The following HHAT variants were observed in gnomAD, a reference collection of about 807,000 sequenced individuals.
The protein encoded by HHAT is hedgehog acyltransferase.
In HHAT, 47 loss-of-function variants were observed where a neutral mutation model predicts 70.8. The ratio of observed to expected loss-of-function variants is 0.66; its 90% confidence interval spans 0.53 to 0.85. The LOEUF is 0.85. HHAT is among the 40% of genes least tolerant of loss of function. The pLI is 0.00. For synonymous variants in HHAT, 228 were observed against 247.6 expected (o/e 0.92, Z 0.74); for missense variants, 609 against 604.8 (o/e 1.01, Z -0.07).
chr1:210,575,562 C>A (rs1183580945), intron 9 of HHAT, among the ~76,000 whole-genome samples: 1 of 152,130 alleles, frequency 6.6e-6, no homozygotes, highest in Non-Finnish European at 1.5e-5. Context: ...GGGTTAGAAA[C>A]CCCAGGGAGG....
intron 1 of HHAT, among the ~76,000 whole-genome samples, chr1:210,343,385 C>T (rs777984070): frequency 6.6e-6 from 1 of 152,210 alleles, no homozygotes; most frequent in African/African-American, 2.4e-5. Context: ...CGTCCTCCTT[C>T]CTTCAGTCTC....
At chr1:210,590,563 A>AAAT (rs1432353433) in intron 10 of HHAT, 17 of 149,596 alleles carry the variant, frequency 1.1e-4, no homozygotes, top group African/African-American at 3.7e-4. Flanking sequence ...AAAAAAAAAA[A>AAAT]AGGCAACAGA....
At chr1:210,362,397 T>C (rs1267167245) in intron 2 of HHAT, among the ~76,000 whole-genome samples, 1 of 152,114 alleles carries the variant, frequency 6.6e-6, no homozygotes, top group African/African-American at 2.4e-5. Context: ...TGGCTAATTT[T>C]TGTATTTTTA....
At chr1:210,633,859 G>T (rs570686382) in intron 11 of HHAT, among the ~76,000 whole-genome samples, 1 of 152,106 alleles carries the variant, frequency 6.6e-6, no homozygotes, top group Non-Finnish European at 1.5e-5. Flanking sequence ...GCCTCTCTGC[G>T]CCCTTTTGTT....
At chr1:210,556,584 A>C (rs956777765) in intron 9 of HHAT, among the ~76,000 whole-genome samples, 2 of 152,110 alleles carry the variant, frequency 1.3e-5, no homozygotes, top group African/African-American at 2.4e-5. Flanking sequence ...CTGATACACA[A>C]ATATACCATC....
intron 1 of HHAT, among the ~76,000 whole-genome samples, chr1:210,336,150 C>T (rs774164011): frequency 7.2e-5 from 11 of 152,134 alleles, no homozygotes; most frequent in Admixed American, 2.0e-4. Flanking sequence ...GACAGGATCT[C>T]GCTCTGTCAC....
chr1:210,496,010 CAAAAA>C (rs10639399), intron 8 of HHAT, among the ~76,000 whole-genome samples: 2 of 67,960 alleles, frequency 2.9e-5, no homozygotes, highest in Non-Finnish European at 4.9e-5. Flanking sequence ...AACTCTATCT[CAAAAA>C]AAAAAAAAAA....
intron 7 of HHAT, among the ~76,000 whole-genome samples, chr1:210,424,329 TG>T (rs950108597): frequency 6.6e-5 from 10 of 152,306 alleles, no homozygotes; most frequent in South Asian, 2.1e-4. Context: ...AGTTCACTGT[TG>T]GTGTATAGAA....
chr1:210,666,823 T>G (rs1678990954), intron 11 of HHAT, among the ~76,000 whole-genome samples: 1 of 151,432 alleles, frequency 6.6e-6, no homozygotes, highest in East Asian at 2.0e-4. Context: ...CCAGGTACCG[T>G]GGCTCACGCC....
chr1:210,632,369 A>C (rs1445735965), intron 11 of HHAT, among the ~76,000 whole-genome samples: 1 of 152,210 alleles, frequency 6.6e-6, no homozygotes, highest in Non-Finnish European at 1.5e-5. Flanking sequence ...AATAGGCAAA[A>C]GAAAGAGAAA....
intron 6 of HHAT, among the ~76,000 whole-genome samples, chr1:210,416,167 G>C (rs1051586921): frequency 6.6e-6 from 1 of 152,222 alleles, no homozygotes; most frequent in Non-Finnish European, 1.5e-5. Context: ...ATCCCCTGCC[G>C]TGTAGCTCTC....
intron 2 of HHAT, among the ~76,000 whole-genome samples, chr1:210,349,946 C>A (rs1571789707): frequency 6.6e-6 from 1 of 152,160 alleles, no homozygotes; most frequent in South Asian, 2.1e-4. Context: ...CCACTGCACC[C>A]TGTAGCTGGG....
chr1:210,487,452 T>A (rs1231358775), intron 8 of HHAT, among the ~76,000 whole-genome samples: 1 of 152,164 alleles, frequency 6.6e-6, no homozygotes, highest in Admixed American at 6.6e-5. Context: ...GGGTTATTAG[T>A]ATTCTGAAGG....
intron 3 of HHAT, among the ~76,000 whole-genome samples, chr1:210,378,424 T>C (rs867323609): frequency 1.3e-5 from 2 of 152,186 alleles, no homozygotes; most frequent in Non-Finnish European, 2.9e-5. Flanking sequence ...TTGCTAGATA[T>C]AAGGATAAGG....
chr1:210,547,234 C>CAGG (rs202168329), intron 9 of HHAT, among the ~76,000 whole-genome samples: 11,015 of 151,658 alleles, frequency 0.073, 742 homozygotes, highest in East Asian at 0.31. Context: ...GAGGCTGAGG[C>CAGG]AGAATTGCTT....
At chr1:210,349,683 G>A (rs12125066) in intron 2 of HHAT, among the ~76,000 whole-genome samples, 15,742 of 140,952 alleles carry the variant, frequency 0.11, 1,013 homozygotes, top group Non-Finnish European at 0.15. Flanking sequence ...ACCTAGTTTC[G>A]CTCTTGTCGC....
chr1:210,434,257 T>G (rs1353559524), intron 7 of HHAT, among the ~76,000 whole-genome samples: 1 of 151,874 alleles, frequency 6.6e-6, no homozygotes, highest in Non-Finnish European at 1.5e-5. Flanking sequence ...CAGGGTTGAA[T>G]AATAATCAGA....
chr1:210,350,042 A>G (rs768753791), intron 2 of HHAT, among the ~76,000 whole-genome samples: 2 of 152,218 alleles, frequency 1.3e-5, no homozygotes, highest in Non-Finnish European at 2.9e-5. Context: ...CTATTCTTAC[A>G]CCAATACCAT....
At chr1:210,360,292 G>C (rs749702278) in intron 2 of HHAT, among the ~76,000 whole-genome samples, 2 of 150,032 alleles carry the variant, frequency 1.3e-5, no homozygotes, top group Non-Finnish European at 3.0e-5. Context: ...CATGAGGAAA[G>C]GTTGTTTTTG....
Sources: allele counts gnomAD v4.1 joint callset (sites outside exome capture counted in the v4.1 genomes callset), GRCh38; gene constraint gnomAD v4.1.1; transcripts MANE v1.5; gene names NCBI Gene and HGNC (gene_info 2026-07-23, HGNC 2026-07-21).